SCAPER: variants seen among roughly 807,000 people sequenced by gnomAD.
SCAPER encodes S-phase cyclin A associated protein in the ER.
Under a neutral mutation model 182.2 loss-of-function variants are expected in SCAPER, and 98 were observed. The ratio of observed to expected loss-of-function variants is 0.54; its 90% CI spans 0.46 to 0.64. The LOEUF (loss-of-function observed/expected upper bound fraction) is 0.64. Ranked by LOEUF, SCAPER falls within the 30% of genes least tolerant of loss-of-function variation. SCAPER has a pLI of 0.00. For missense variants in SCAPER, 1,432 were observed against 1,690.0 expected, an observed-to-expected ratio of 0.85 and a Z score of 2.68; for synonymous variants, 605 against 564.6, an observed-to-expected ratio of 1.07 and a Z score of -1.01.
chr15:76,463,361 G>T (rs1399318191), intron 25 of SCAPER, among the ~76,000 whole-genome samples: 1 of 152,154 alleles, frequency 6.6e-6, no homozygotes, highest in Non-Finnish European at 1.5e-5. Context: ...GCACCTGGAT[G>T]GCTCTGCACA....
rs772597677 is a variant in SCAPER, at chr15:76,665,705, G to C, written c.2593C>G (p.Arg865Gly). The C allele has an allele frequency of 3.2e-6, 5 of 1,569,486 alleles. No individual in the cohort carries two copies. The highest frequency in any genetic ancestry group is 3.5e-6 in the Non-Finnish European group (4 of 1,157,710). ...TTGGCTTTTTTTTTATTTTTTTGCC[G>C]CTCTTCTCCATCTTTCAAAGCTTCT... ...PAEALKDGEE[R>G]QKNKKKAKKI... The change falls in exon 21 of 32, where the codon CGG becomes GGG. Residue 865 changes from arginine to glycine, a missense_variant. Arg to Gly is a moderately radical substitution (Grantham distance 125). Transcript: ENST00000563290.
At chr15:76,435,690 A>G (rs962971722) in intron 25 of SCAPER, among the ~76,000 whole-genome samples, 1 of 152,186 alleles carries the variant, frequency 6.6e-6, no homozygotes, top group Non-Finnish European at 1.5e-5. Context: ...ACATTTTGAG[A>G]TTCTGCATGT....
At chr15:76,497,107 C>CTTTTTT (rs1183094084) in intron 24 of SCAPER, among the ~76,000 whole-genome samples, 3 of 8,622 alleles carry the variant, frequency 3.5e-4, no homozygotes, top group African/African-American at 4.4e-4. Context: ...TTTTGGTCTC[C>CTTTTTT]TCTTTTTTTT....
chr15:76,451,051 C>T (rs2048338653), intron 25 of SCAPER, among the ~76,000 whole-genome samples: 1 of 152,202 alleles, frequency 6.6e-6, no homozygotes, highest in African/African-American at 2.4e-5. Flanking sequence ...CATAGGCAAT[C>T]ACTGATCTGC....
intron 25 of SCAPER, among the ~76,000 whole-genome samples, chr15:76,446,064 T>A (rs1206628254): frequency 6.6e-6 from 1 of 152,048 alleles, no homozygotes; most frequent in African/African-American, 2.4e-5. Context: ...TAATGTGAGG[T>A]TCCATGATAA....
At chr15:76,668,399 A>G (rs565116452) in intron 20 of SCAPER, among the ~76,000 whole-genome samples, 1 of 152,178 alleles carries the variant, frequency 6.6e-6, no homozygotes, top group East Asian at 1.9e-4. Context: ...GTAAATCCAA[A>G]TTTCTCACCA....
At chr15:76,379,997 G>A (rs1252747609) in intron 28 of SCAPER, 1 of 152,208 alleles carries the variant, frequency 6.6e-6, no homozygotes, top group East Asian at 1.9e-4. Flanking sequence ...AGGAAGCTAA[G>A]AGACAGTTTT....
At position 76,604,570 on chromosome 15, in the gene SCAPER, T is replaced by C. The variant is rs1262040359; in HGVS notation, c.2711+17194A>G. 4.2e-5 allele frequency among the ~76,000 whole-genome samples: 3 copies of C among 70,904 alleles called. 1 individual carries two copies. The Admixed American group carries it at 5.9e-4, about 14-fold the overall frequency. The allele number at this position is 70,904 out of a possible 152,430, so 46.5% of individuals were successfully genotyped here. ...TTTTCTGATTCTGTGAAGAAAGTCA[T>C]TGGTAGCTTGATGGGGATGGCATTG... On this transcript the variant is annotated intron_variant, in intron 22 of 31. Transcript: ENST00000563290.
At chr15:76,895,589 T>C (rs147703280) in intron 1 of SCAPER, among the ~76,000 whole-genome samples, 2 of 152,058 alleles carry the variant, frequency 1.3e-5, no homozygotes, top group East Asian at 3.9e-4. Context: ...TGTTTGCAGA[T>C]TACATGATCT....
At chr15:76,571,276 T>C (rs950769271) in intron 23 of SCAPER, among the ~76,000 whole-genome samples, 4 of 152,160 alleles carry the variant, frequency 2.6e-5, no homozygotes, top group African/African-American at 9.6e-5. Flanking sequence ...CTTCCCCACC[T>C]AGCATTTTCA....
At chr15:76,488,322 T>C (rs1171130393) in intron 24 of SCAPER, among the ~76,000 whole-genome samples, 1 of 152,194 alleles carries the variant, frequency 6.6e-6, no homozygotes, top group Admixed American at 6.5e-5. Context: ...CCTACAATTA[T>C]ATAGAATATC....
At chr15:76,657,819 T>C (rs527636790) in intron 21 of SCAPER, among the ~76,000 whole-genome samples, 13 of 152,238 alleles carry the variant, frequency 8.5e-5, no homozygotes, top group African/African-American at 2.9e-4. Flanking sequence ...AAAAATCATA[T>C]GATCGTCTAA....
chr15:76,796,004 T>G (rs922224530), intron 7 of SCAPER, among the ~76,000 whole-genome samples: 4 of 152,116 alleles, frequency 2.6e-5, no homozygotes, highest in Non-Finnish European at 5.9e-5. Flanking sequence ...GAGGTTGTAG[T>G]GAGCCAAGAC....
chr15:76,493,181 T>C (rs2052499101), intron 24 of SCAPER, among the ~76,000 whole-genome samples: 2 of 152,200 alleles, frequency 1.3e-5, no homozygotes, highest in Non-Finnish European at 2.9e-5. Context: ...CATCCTAAAC[T>C]TGAGTTTGCA....
At chr15:76,653,572 C>A (rs1479422590) in intron 21 of SCAPER, among the ~76,000 whole-genome samples, 1 of 152,162 alleles carries the variant, frequency 6.6e-6, no homozygotes, top group Non-Finnish European at 1.5e-5. Context: ...GCAACCATCT[C>A]ATCTTCAACA....
intron 23 of SCAPER, among the ~76,000 whole-genome samples, chr15:76,569,352 T>A (rs1171612384): frequency 6.6e-6 from 1 of 152,176 alleles, no homozygotes; most frequent in Admixed American, 6.6e-5. Context: ...AATTTTCCAA[T>A]GTTAAAGCAA....
intron 21 of SCAPER, among the ~76,000 whole-genome samples, chr15:76,663,612 A>C (rs2056357542): frequency 6.6e-6 from 1 of 152,090 alleles, no homozygotes; most frequent in Non-Finnish European, 1.5e-5. Flanking sequence ...GCCAGCTGCA[A>C]AAGAGTGGAT....
intron 5 of SCAPER, among the ~76,000 whole-genome samples, chr15:76,807,875 G>T (rs887786534): frequency 1.3e-5 from 2 of 151,910 alleles, no homozygotes; most frequent in Non-Finnish European, 2.9e-5. Flanking sequence ...CGTTTTTATT[G>T]TTTTCCTAAG....
At chr15:76,440,538 A>G (rs1202869759) in intron 25 of SCAPER, among the ~76,000 whole-genome samples, 1 of 152,214 alleles carries the variant, frequency 6.6e-6, no homozygotes, top group East Asian at 1.9e-4. Context: ...CAAGCTGTAC[A>G]GTGTATACAG....
Sources: gnomAD v4.1 joint callset for allele counts (sites outside exome capture counted in the v4.1 genomes callset) on GRCh38, gnomAD v4.1.1 for gene constraint, MANE v1.5 for transcripts, NCBI Gene and HGNC (gene_info 2026-07-23, HGNC 2026-07-21) for gene names.